The following DOCK2 variants were observed in gnomAD, a reference collection of about 807,000 sequenced individuals.
DOCK2 encodes dedicator of cytokinesis protein 2.
Under a neutral mutation model 248.9 loss-of-function variants are expected in DOCK2, and 87 were observed. That is an observed-to-expected ratio of 0.35 (90% CI 0.29 to 0.42). DOCK2 has a LOEUF of 0.42. Among genes scored for constraint, DOCK2 ranks in the 10% least tolerant of loss-of-function variants. The pLI, the probability that DOCK2 is intolerant of heterozygous loss-of-function variation, is 1.00. For synonymous variants in DOCK2, 805 were observed against 821.6 expected (o/e 0.98, Z 0.35); for missense variants, 1,747 against 2,300.2 (o/e 0.76, Z 4.92).
intron 22 of DOCK2, among the ~76,000 whole-genome samples, chr5:169,733,551 A>G (rs1762890142): frequency 6.6e-6 from 1 of 152,098 alleles, no homozygotes; most frequent in African/African-American, 2.4e-5. Context: ...AAAAAAGCTC[A>G]TCACTCTTTC....
chr5:169,776,754 T>A (rs1765409282), intron 25 of DOCK2, among the ~76,000 whole-genome samples: 1 of 152,152 alleles, frequency 6.6e-6, no homozygotes. Context: ...TATAAGAGGC[T>A]TCCCCCTTTG....
intron 33 of DOCK2, among the ~76,000 whole-genome samples, chr5:170,022,024 A>C (rs1340832310): frequency 2.0e-5 from 3 of 152,216 alleles, no homozygotes; most frequent in Non-Finnish European, 4.4e-5. Flanking sequence ...TGGGTTGCTT[A>C]AGGGAAATAG....
intron 50 of DOCK2, 64 bp downstream of exon 50, chr5:170,080,347 T>C (rs1757985600): frequency 1.3e-6 from 2 of 1,599,542 alleles, no homozygotes; most frequent in Non-Finnish European, 1.7e-6. Context: ...GCCTTGTGGG[T>C]GGAGGATGGA....
At chr5:169,765,175 T>C (rs1764708694) in intron 25 of DOCK2, among the ~76,000 whole-genome samples, 1 of 152,086 alleles carries the variant, frequency 6.6e-6, no homozygotes, top group Non-Finnish European at 1.5e-5. Flanking sequence ...CCTGTGATAT[T>C]GAGTAAATTA....
chr5:169,924,431 C>G (rs1775332486), intron 27 of DOCK2, among the ~76,000 whole-genome samples: 1 of 152,226 alleles, frequency 6.6e-6, no homozygotes, highest in Non-Finnish European at 1.5e-5. Flanking sequence ...ATCCTGTCAG[C>G]AAATCACATT....
chr5:169,726,713 G>A (rs1309312134), intron 22 of DOCK2, among the ~76,000 whole-genome samples: 2 of 152,184 alleles, frequency 1.3e-5, no homozygotes, highest in Admixed American at 6.5e-5. Flanking sequence ...CCTTCCTCAA[G>A]TATTGGCAAT....
chr5:169,839,927 T>A (rs1242818790), intron 26 of DOCK2, among the ~76,000 whole-genome samples: 2 of 152,230 alleles, frequency 1.3e-5, no homozygotes, highest in African/African-American at 4.8e-5. Flanking sequence ...ACCAATTCCC[T>A]GCATTAAATT....
intron 27 of DOCK2, among the ~76,000 whole-genome samples, chr5:169,918,067 A>G (rs1377658913): frequency 6.6e-6 from 1 of 152,162 alleles, no homozygotes; most frequent in African/African-American, 2.4e-5. Context: ...CTGATATTCT[A>G]CCCTTCCTAT....
At chr5:170,011,722 AT>A (rs944473682) in intron 32 of DOCK2, among the ~76,000 whole-genome samples, 1 of 152,152 alleles carries the variant, frequency 6.6e-6, no homozygotes, top group African/African-American at 2.4e-5. Context: ...ACAGGAAAGT[AT>A]TTTTTTCCAA....
At chr5:169,802,574 TAGTG>T in intron 25 of DOCK2, among the ~76,000 whole-genome samples, 1 of 152,204 alleles carries the variant, frequency 6.6e-6, no homozygotes, top group Admixed American at 6.5e-5. Flanking sequence ...CAAGAAATAT[TAGTG>T]AGTGAAAAAA....
At position 169,714,043 on chromosome 5, in the gene DOCK2, A is replaced by G. The variant is rs1761737844; in HGVS notation, c.1675A>G (p.Met559Val). ...TTGTTTCCAGGGGGACAGCAAGAAGATGGAGGATGCCAGCGCATACCTGAC... is the reference window on the plus strand; with the variant it reads ...TTGTTTCCAGGGGGACAGCAAGAAGGTGGAGGATGCCAGCGCATACCTGAC... ...LVVLKGDSKK[M>V]EDASAYLTLP... Residue 559 changes from methionine to valine, a missense_variant, in exon 18 of 52, where the codon ATG (methionine) becomes GTG (valine). Physicochemically the swap from Met to Val is conservative, Grantham distance 21. This residue lies in a region of DOCK2 where 858 missense variants were observed against 1,183.5 expected (regional missense o/e 0.72). Transcript: ENST00000520908. 1.2e-6 allele frequency: 2 copies of G among 1,602,282 alleles called. No individual in the cohort carries two copies. The highest frequency in any genetic ancestry group is 1.7e-6 in the Non-Finnish European group (2 of 1,172,238).
At chr5:169,865,238 A>C (rs976488801) in intron 27 of DOCK2, among the ~76,000 whole-genome samples, 2 of 152,118 alleles carry the variant, frequency 1.3e-5, no homozygotes, top group African/African-American at 2.4e-5. Flanking sequence ...TAACATACGG[A>C]CTGCATTGTC....
intron 4 of DOCK2, 43 bp from the exon 5 acceptor site, chr5:169,671,035 C>A (rs1009749358): frequency 6.4e-7 from 1 of 1,566,390 alleles, no homozygotes; most frequent in Admixed American, 1.7e-5. Flanking sequence ...TTGTTAGCAC[C>A]TGGGTCTCAA....
intron 25 of DOCK2, among the ~76,000 whole-genome samples, chr5:169,785,641 T>C (rs1765945617): frequency 1.3e-5 from 2 of 152,216 alleles, no homozygotes; most frequent in African/African-American, 2.4e-5. Context: ...TATTGCTTAA[T>C]TTGTTTCCCT....
rs1775297261 is a variant in DOCK2 at position 169,923,737 on chromosome 5, G to A, written c.2800-59331G>A. On this transcript the variant is annotated intron_variant, in intron 27 of 51. Coordinates refer to ENST00000520908, the MANE Select transcript of DOCK2 (RefSeq NM_004946.3). ...GTTTTAAAGTGCCTTAAAAATGTGA[G>A]TAACTGTGTTTAGGTAAAAACATAT... Among the ~76,000 whole-genome samples, 4 of 152,318 alleles carry A rather than the reference G, an allele frequency of 2.6e-5. No individual in the cohort carries two copies. The South Asian group carries it at 8.3e-4, about 32-fold the overall frequency.
At chr5:169,724,052 T>C (rs1762345767) in intron 22 of DOCK2, among the ~76,000 whole-genome samples, 1 of 152,200 alleles carries the variant, frequency 6.6e-6, no homozygotes. Context: ...AGTGAGGCTT[T>C]GCACTCTGCC....
At chr5:169,942,535 T>C (rs924477916) in intron 27 of DOCK2, among the ~76,000 whole-genome samples, 3 of 152,262 alleles carry the variant, frequency 2.0e-5, no homozygotes, top group African/African-American at 7.2e-5. Flanking sequence ...TCTATTTCCA[T>C]ATTTTACAGA....
At chr5:169,655,351 A>G (rs1241406549) in intron 2 of DOCK2, among the ~76,000 whole-genome samples, 1 of 152,156 alleles carries the variant, frequency 6.6e-6, no homozygotes, top group Non-Finnish European at 1.5e-5. Context: ...GAGAGAGTGT[A>G]TTGAGCACAT....
chr5:169,674,402 G>C lies in DOCK2; in HGVS notation c.427G>C (p.Glu143Gln). 6.2e-7 allele frequency: 1 copy of C among 1,614,140 alleles called. No individual in the cohort carries two copies. The highest frequency in any genetic ancestry group is 8.5e-7 in the Non-Finnish European group (1 of 1,180,006). Reference sequence around the variant, plus strand: ...AACCTTACCCAAGGATGAGCTGAAGGAACTGAAGCAGAAAGTCACGTCCAA... The same window carrying C: ...AACCTTACCCAAGGATGAGCTGAAGCAACTGAAGCAGAAAGTCACGTCCAA... Reference protein sequence around the residue: ...SGTLPKDELKELKQKVTSKID... With the variant: ...SGTLPKDELKQLKQKVTSKID... The change falls in exon 6 of 52, where the codon GAA (glutamate) becomes CAA (glutamine). Residue 143 changes from glutamate to glutamine, a missense_variant. Glu to Gln is a conservative substitution (Grantham distance 29, BLOSUM62 2). Transcript: ENST00000520908.
Sources: allele counts gnomAD v4.1 joint callset (sites outside exome capture counted in the v4.1 genomes callset), GRCh38; gene constraint gnomAD v4.1.1; regional missense constraint gnomAD v4.1.1; transcripts MANE v1.5; gene names NCBI Gene and HGNC (gene_info 2026-07-23, HGNC 2026-07-21).